Variants in NRG4 observed in about 807,000 individuals in gnomAD.
NRG4 encodes pro-neuregulin-4, membrane-bound isoform.
Under a neutral mutation model 15.0 loss-of-function variants are expected in NRG4, and 10 were observed. The observed-to-expected ratio is 0.67, with a 90% CI of 0.41 to 1.13. The LOEUF (loss-of-function observed/expected upper bound fraction) is 1.13, where lower values mean the gene tolerates loss of function less well. NRG4 is among the 50% of genes most tolerant of loss of function. NRG4 has a pLI of 0.00. For missense variants in NRG4, 139 were observed against 140.2 expected (o/e 0.99, Z 0.04); for synonymous variants, 41 against 50.1 (o/e 0.82, Z 0.77).
At chr15:75,945,274 A>T (rs5813812) in intron 5 of NRG4, among the ~76,000 whole-genome samples, 4,144 of 18,292 alleles carry the variant, frequency 0.23, 146 homozygotes, top group South Asian at 0.39. Context: ...TTTTTATTTT[A>T]TTTTTTTTGT....
chr15:76,006,923 A>G (rs1281558974), intron 3 of NRG4, among the ~76,000 whole-genome samples: 1 of 152,214 alleles, frequency 6.6e-6, no homozygotes, highest in East Asian at 1.9e-4. Flanking sequence ...GCTAGTATAC[A>G]GATAGATATT....
intron 5 of NRG4, among the ~76,000 whole-genome samples, chr15:76,018,535 T>C (rs2035056198): frequency 6.6e-6 from 1 of 152,220 alleles, no homozygotes; most frequent in African/African-American, 2.4e-5. Flanking sequence ...TTTGTTGATG[T>C]TGATGCGATT....
At chr15:76,057,183 T>TC (rs1017114795) in intron 1 of NRG4, 1 of 150,836 alleles carries the variant, frequency 6.6e-6, no homozygotes, top group African/African-American at 2.4e-5. Context: ...GCTCTAGGAT[T>TC]CCCCCACCCT....
intron 3 of NRG4, among the ~76,000 whole-genome samples, chr15:76,007,564 G>C (rs1233494898): frequency 6.6e-6 from 1 of 151,638 alleles, no homozygotes; most frequent in East Asian, 1.9e-4. Flanking sequence ...CGAGTAGCTG[G>C]GACTACAGGC....
chr15:75,984,752 GT>G (rs2033734029), intron 3 of NRG4, among the ~76,000 whole-genome samples: 1 of 152,080 alleles, frequency 6.6e-6, no homozygotes, highest in East Asian at 1.9e-4. Context: ...AAACCTGCAT[GT>G]TCTGTACATG....
chr15:75,986,888 A>G (rs2033819257), intron 3 of NRG4, among the ~76,000 whole-genome samples: 1 of 152,202 alleles, frequency 6.6e-6, no homozygotes, highest in African/African-American at 2.4e-5. Flanking sequence ...GAAGGGATGA[A>G]CACATAAGAG....
At chr15:76,033,036 T>C (rs1390320729) in intron 5 of NRG4, among the ~76,000 whole-genome samples, 1 of 152,226 alleles carries the variant, frequency 6.6e-6, no homozygotes, top group Non-Finnish European at 1.5e-5. Flanking sequence ...CATTTCTTAC[T>C]ACATGGGAAA....
rs563006598 is a variant in NRG4, at chr15:75,993,903, T to G, written c.104+15297A>C. ...GGGTTTCCCATTTACTCACTGATAA[T>G]AAGCAAATTTTCTGTTATATCCTTG... On this transcript the variant is annotated intron_variant, in intron 3 of 5. Coordinates refer to ENST00000394907, the MANE Select transcript of NRG4 (RefSeq NM_138573.4). 6.7e-4 allele frequency among the ~76,000 whole-genome samples: 102 copies of G among 152,334 alleles called. 1 individual carries two copies. The highest frequency in any genetic ancestry group is 1.9e-3 in the South Asian group (9 of 4,822).
chr15:75,938,551 G>C (rs1355736454), downstream of NRG4: 1 of 152,124 alleles, frequency 6.6e-6, no homozygotes, highest in Non-Finnish European at 1.5e-5. Flanking sequence ...TCAGGAAAAT[G>C]ATAAATGAAC....
chr15:75,999,690 G>C (rs1472677347), intron 3 of NRG4, among the ~76,000 whole-genome samples: 1 of 152,138 alleles, frequency 6.6e-6, no homozygotes, highest in South Asian at 2.1e-4. Context: ...GACTAAGAGA[G>C]TAGCCATATT....
At chr15:76,006,467 T>C (rs963046773) in intron 3 of NRG4, among the ~76,000 whole-genome samples, 1 of 152,130 alleles carries the variant, frequency 6.6e-6, no homozygotes, top group Non-Finnish European at 1.5e-5. Context: ...CTGCAGTCAC[T>C]ATTTTTTTTA....
At chr15:76,002,343 G>A (rs181613560) in intron 3 of NRG4, among the ~76,000 whole-genome samples, 8 of 152,210 alleles carry the variant, frequency 5.3e-5, no homozygotes, top group African/African-American at 1.7e-4. Context: ...GGTATAACAA[G>A]AGATAATGAA....
At chr15:76,019,370 A>T (rs1042346526) in intron 5 of NRG4, among the ~76,000 whole-genome samples, 32 of 151,838 alleles carry the variant, frequency 2.1e-4, no homozygotes, top group African/African-American at 7.3e-4. Flanking sequence ...TCCAGGCACC[A>T]TTGGGGTATG....
Position 75,942,360 on chromosome 15 carries a change from A to G in NRG4, c.*1278T>C, listed in dbSNP as rs2031082808. 6.6e-6 allele frequency: 1 copy of G among 152,178 alleles called. No homozygotes were observed. The highest frequency in any genetic ancestry group is 6.5e-5 in the Admixed American group (1 of 15,284). The allele number at this position is 152,178 out of a possible 1,614,324, so 9.4% of individuals were successfully genotyped here. On this transcript the variant is annotated 3_prime_UTR_variant, in exon 6 of 6. Coordinates refer to ENST00000394907, the MANE Select transcript of NRG4 (RefSeq NM_138573.4). ...AGACTTTGTCTCAAAAAGTAAAGTA[A>G]AAATGTGTCAATATTGGTTAAACAA...
intron 5 of NRG4, among the ~76,000 whole-genome samples, chr15:75,949,362 G>A (rs1304028105): frequency 6.8e-6 from 1 of 147,540 alleles, no homozygotes; most frequent in Admixed American, 6.8e-5. Flanking sequence ...AGTATGCTGA[G>A]GTCATGCCAC....
At chr15:75,963,878 G>T (rs1208214536) in intron 3 of NRG4, among the ~76,000 whole-genome samples, 1 of 151,974 alleles carries the variant, frequency 6.6e-6, no homozygotes, top group Non-Finnish European at 1.5e-5. Flanking sequence ...AGGACTTTGA[G>T]GTTGCAGTGA....
chr15:76,036,567 T>C (rs924892585), intron 4 of NRG4, among the ~76,000 whole-genome samples: 2 of 152,198 alleles, frequency 1.3e-5, no homozygotes, highest in African/African-American at 4.8e-5. Flanking sequence ...TGTGTGACAT[T>C]GGGAGAAAAA....
At chr15:75,984,725 GTGTATACCTATGTAACAAACCTGCA>G (rs1322154059) in intron 3 of NRG4, among the ~76,000 whole-genome samples, 5 of 152,034 alleles carry the variant, frequency 3.3e-5, no homozygotes, top group Non-Finnish European at 5.9e-5. Context: ...ACCATGGCAC[GTGTATACCTATGTAACAAACCTGCA>G]TGTTCTGTAC....
chr15:76,024,437 C>T (rs1045591394), intron 5 of NRG4, among the ~76,000 whole-genome samples: 1 of 152,236 alleles, frequency 6.6e-6, no homozygotes, highest in African/African-American at 2.4e-5. Context: ...CATGCATCTG[C>T]ATCCCAGGCC....
Sources: allele counts gnomAD v4.1 joint callset (sites outside exome capture counted in the v4.1 genomes callset), GRCh38; gene constraint gnomAD v4.1.1; transcripts MANE v1.5; gene names NCBI Gene and HGNC (gene_info 2026-07-23, HGNC 2026-07-21).